Variants in SDK2 observed in about 807,000 individuals in gnomAD.
SDK2 encodes the protein sidekick cell adhesion molecule 2.
Under a neutral mutation model 253.9 loss-of-function variants are expected in SDK2, and 105 were observed. That is an observed-to-expected ratio of 0.41 (90% CI 0.35 to 0.49). The LOEUF (loss-of-function observed/expected upper bound fraction) is 0.49. SDK2 is among the 20% of genes least tolerant of loss of function. The pLI is 0.06. For missense variants in SDK2, 2,608 were observed against 3,003.0 expected, an observed-to-expected ratio of 0.87 and a Z score of 3.07; for synonymous variants, 1,249 against 1,234.9, an observed-to-expected ratio of 1.01 and a Z score of -0.24.
chr17:73,537,116 CGTGT>C (rs760246194), intron 1 of SDK2, among the ~76,000 whole-genome samples: 1 of 152,126 alleles, frequency 6.6e-6, no homozygotes, highest in Non-Finnish European at 1.5e-5. Flanking sequence ...TGCGTGCGTG[CGTGT>C]GCGGGCGCGC....
rs1273961840 is a variant in SDK2 at position 73,496,456 on chromosome 17, G to A, written c.224+10982C>T. Among the ~76,000 whole-genome samples the A allele has an allele frequency of 2.6e-5, 4 of 152,118 alleles. No homozygotes were observed. Among genetic ancestry groups the A allele is most frequent in the Admixed American group, 2.6e-4 (4 of 15,268 alleles). ...CGGTAGAGGTGGAGGACAGAGGTGG[G>A]CATGGGCACGAGGGCATGAAAGAGC... On this transcript the variant is annotated intron_variant, in intron 2 of 44. Coordinates refer to ENST00000392650, the MANE Select transcript of SDK2 (RefSeq NM_001144952.2). This position sits in a 1 kb window ranked among gnomAD's most constrained non-coding sequence, Gnocchi z 4.7.
At position 73,352,784 on chromosome 17, in the gene SDK2, G is replaced by A; in HGVS notation, c.5594-147C>T. The A allele has an allele frequency of 1.2e-6, 1 of 842,646 alleles. No individual in the cohort carries two copies. Among genetic ancestry groups the A allele is most frequent in the Non-Finnish European group, 1.8e-6 (1 of 550,880 alleles). The allele number at this position is 842,646 out of a possible 1,614,324, so 52.2% of individuals were successfully genotyped here. On this transcript the variant is annotated intron_variant, in intron 40 of 44. Transcript: ENST00000392650. The surrounding 1 kb of genome is among the most constrained non-coding windows in gnomAD (Gnocchi z 4.1). ...GAATCGCAGGCCTTGGTCCTCCCTT[G>A]AAGTTTCTTAAAAAGACAACTTTCG... is the stretch of plus-strand genomic sequence containing the variant.
intron 1 of SDK2, among the ~76,000 whole-genome samples, chr17:73,635,736 A>G (rs2046322106): frequency 6.6e-6 from 1 of 152,000 alleles, no homozygotes; most frequent in Non-Finnish European, 1.5e-5. Flanking sequence ...CCCCACCCTC[A>G]CACCTCATTC....
chr17:73,473,200 C>T (rs907076840), intron 2 of SDK2, among the ~76,000 whole-genome samples: 4 of 152,186 alleles, frequency 2.6e-5, no homozygotes, highest in Non-Finnish European at 5.9e-5. Context: ...TTGTTACCCA[C>T]AGAGCAGCAG....
At position 73,379,061 on chromosome 17, in the gene SDK2, G is replaced by C. The variant is rs1436757974; in HGVS notation, c.4980+116C>G. The C allele has an allele frequency of 6.8e-6, 5 of 740,350 alleles. No individual in the cohort carries two copies. The highest frequency in any genetic ancestry group is 1.1e-5 in the Non-Finnish European group (5 of 438,188). 45.9% of individuals were successfully genotyped at this position (740,350 alleles called of 1,614,324 possible). Reference sequence around the variant, plus strand: ...ACAGAGCCTGAAGGGCCGAGGAGCTGGCTGGATGAATGGAGGGCCTGGGGA... The same window carrying C: ...ACAGAGCCTGAAGGGCCGAGGAGCTCGCTGGATGAATGGAGGGCCTGGGGA... On this transcript the variant is annotated intron_variant, in intron 36 of 44. Transcript: ENST00000392650. The surrounding 1 kb of genome is among the most constrained non-coding windows in gnomAD (Gnocchi z 4.5).
chr17:73,601,737 A>T (rs1266676508), intron 1 of SDK2, among the ~76,000 whole-genome samples: 1 of 149,464 alleles, frequency 6.7e-6, no homozygotes, highest in Non-Finnish European at 1.5e-5. Flanking sequence ...TCCAGACTCC[A>T]GAACTGTTTT....
At chr17:73,521,088 G>A (rs983180537) in intron 1 of SDK2, 3 of 150,052 alleles carry the variant, frequency 2.0e-5, no homozygotes, top group African/African-American at 2.5e-5. Flanking sequence ...CTGCCCAGGC[G>A]GGAGTGTGGT....
intron 4 of SDK2, among the ~76,000 whole-genome samples, chr17:73,452,087 T>C (rs2063494421): frequency 6.6e-6 from 1 of 152,140 alleles, no homozygotes; most frequent in African/African-American, 2.4e-5. Flanking sequence ...CAGCCCCCAT[T>C]GATAATTTAA....
At chr17:73,429,574 G>C (rs2063309777) in intron 12 of SDK2, among the ~76,000 whole-genome samples, 1 of 152,250 alleles carries the variant, frequency 6.6e-6, no homozygotes, top group Non-Finnish European at 1.5e-5. Context: ...TGGCGCCCCA[G>C]GACGCAGCTG....
intron 1 of SDK2, among the ~76,000 whole-genome samples, chr17:73,584,728 G>C (rs2045581940): frequency 6.6e-6 from 1 of 152,198 alleles, no homozygotes; most frequent in Non-Finnish European, 1.5e-5. Context: ...TTCCTCAACT[G>C]TCAAATGGGA....
At chr17:73,342,095 C>A (rs367592244) in intron 44 of SDK2, among the ~76,000 whole-genome samples, 1 of 151,928 alleles carries the variant, frequency 6.6e-6, no homozygotes, top group Non-Finnish European at 1.5e-5. Context: ...CCAAACCCCC[C>A]ACCCCGACTC....
Position 73,393,588 on chromosome 17 carries a change from A to C in SDK2, c.3870T>G (p.Pro1290=). The C allele has an allele frequency of 1.3e-6, 2 of 1,574,674 alleles. No individual in the cohort carries two copies. The highest frequency in any genetic ancestry group is 1.7e-6 in the Non-Finnish European group (2 of 1,153,140). The change falls in exon 27 of 45, where the codon CCT becomes CCG. Residue 1290 remains proline (P), a synonymous_variant. Transcript: ENST00000392650. Reference sequence around the variant, plus strand: ...CATCCAGCGTCCGCTCCAGGATGGGAGGGTGGCTGGGGCTGCCGTCCCCGA... The same window carrying C: ...CATCCAGCGTCCGCTCCAGGATGGGCGGGTGGCTGGGGCTGCCGTCCCCGA... The part of the protein sequence containing the change: ...TRIGDGSPSH[P]PILERTLDDV...
At chr17:73,385,509 C>G (rs891618988) in intron 32 of SDK2, among the ~76,000 whole-genome samples, 1 of 152,150 alleles carries the variant, frequency 6.6e-6, no homozygotes, top group Non-Finnish European at 1.5e-5. Flanking sequence ...AAGGCTAATA[C>G]ACCTGGCCCT....
At chr17:73,445,113 C>T (rs542144228) in intron 5 of SDK2, among the ~76,000 whole-genome samples, 92 of 152,208 alleles carry the variant, frequency 6.0e-4, no homozygotes, top group Admixed American at 1.6e-3. Context: ...TCACGTATTT[C>T]GGGTGAAAAT....
At chr17:73,368,125 C>G (rs991511352) in intron 37 of SDK2, among the ~76,000 whole-genome samples, 11 of 151,858 alleles carry the variant, frequency 7.2e-5, no homozygotes, top group Non-Finnish European at 1.6e-4. Flanking sequence ...CTGGGAGGGG[C>G]TGGGGGTGCT....
intron 5 of SDK2, among the ~76,000 whole-genome samples, chr17:73,446,079 C>T (rs1321295004): frequency 2.0e-5 from 3 of 152,110 alleles, no homozygotes; most frequent in African/African-American, 4.8e-5. Flanking sequence ...AGGAAGGCCC[C>T]GACTCTGTCT....
rs1269878850 is a variant in SDK2 at position 73,455,977 on chromosome 17, G to T, written c.408C>A (p.Arg136=). The T allele has an allele frequency of 6.5e-7, 1 of 1,548,824 alleles. No individual in the cohort carries two copies. Among genetic ancestry groups the T allele is most frequent in the Admixed American group, 2.0e-5 (1 of 50,874 alleles). ...CCTGTGGCTGGGGGAAGCTGGCGAT[G>T]CGCGGGGCACGGATGACAGCTGCTT... The part of the protein sequence containing the change: ...HGEAAVIRAP[R]IASFPQPQVT... Residue 136 remains arginine (R), a synonymous_variant, in exon 4 of 45, where the codon CGC becomes CGA. Coordinates refer to ENST00000392650, the MANE Select transcript of SDK2 (RefSeq NM_001144952.2). The surrounding 1 kb of genome is among the most constrained non-coding windows in gnomAD (Gnocchi z 5.0).
chr17:73,590,538 G>A (rs913526403), intron 1 of SDK2, among the ~76,000 whole-genome samples: 1 of 152,210 alleles, frequency 6.6e-6, no homozygotes, highest in African/African-American at 2.4e-5. Context: ...GCACACCTGG[G>A]GAAAATACAG....
rs557660486 is a variant in SDK2 at position 73,533,746 on chromosome 17, GCTCT to G, written c.65-26153_65-26150del. Among the ~76,000 whole-genome samples, 78 of 139,504 alleles carry G rather than the reference GCTCT, an allele frequency of 5.6e-4. 1 individual carries two copies. The East Asian group carries it at 0.011, about 20-fold the overall frequency. 91.5% of individuals were successfully genotyped at this position (139,504 alleles called of 152,430 possible). A position where few individuals can be genotyped will look rare whatever the true frequency, so the allele number is the denominator to read the frequency against. On this transcript the variant is annotated intron_variant, in intron 1 of 44. Coordinates refer to ENST00000392650, the MANE Select transcript of SDK2 (RefSeq NM_001144952.2). ...GGGCATCACCAGCACCTTTCTTGCA[GCTCT>G]CTCTGTCTTCGCCAGGTTCCCTGTC...
Sources: allele counts gnomAD v4.1 joint callset (sites outside exome capture counted in the v4.1 genomes callset), GRCh38; gene constraint gnomAD v4.1.1; non-coding constraint Gnocchi (gnomAD v3.1); transcripts MANE v1.5; gene names NCBI Gene and HGNC (gene_info 2026-07-23, HGNC 2026-07-21).